PCDHGA2: variants seen among roughly 807,000 people sequenced by gnomAD.
The protein encoded by PCDHGA2 is protocadherin gamma subfamily A, 2.
A neutral mutation model predicts 59.2 loss-of-function variants in PCDHGA2; 40 were observed. The ratio of observed to expected loss-of-function variants is 0.68; its 90% CI spans 0.52 to 0.88. The LOEUF (loss-of-function observed/expected upper bound fraction) is 0.88. Ranked by LOEUF, PCDHGA2 falls within the 40% of genes least tolerant of loss-of-function variation. The pLI is 0.00. For missense variants in PCDHGA2, 1,226 were observed against 1,204.0 expected (o/e 1.02, Z -0.27); for synonymous variants, 560 against 526.0 (o/e 1.06, Z -0.89).
chr5:141,414,159 A>G (rs2095715416), intron 1 of PCDHGA2: 1 of 1,602,874 alleles, frequency 6.2e-7, no homozygotes. Context: ...CAGAAGATGG[A>G]GGAGCATATC....
In PCDHGA2 at chr5:141,478,818, C is replaced by T. The variant is rs980032138; in HGVS notation, c.2425-15989C>T. ...AGCACTCTTTTGCTATCACAACTAA[C>T]CAATCTTGCTAAGGGATGGTTAAGC... On this transcript the variant is annotated intron_variant, in intron 1 of 3. Transcript: ENST00000394576. The T allele has an allele frequency of 2.1e-5, 30 of 1,449,330 alleles. No individual in the cohort carries two copies. The African/African-American group carries it at 3.3e-4, about 16-fold the overall frequency. 89.8% of individuals were successfully genotyped at this position (1,449,330 alleles called of 1,614,324 possible). A position where few individuals can be genotyped will look rare whatever the true frequency, so the allele number is the denominator to read the frequency against.
chr5:141,488,292 G>A (rs961688781), intron 1 of PCDHGA2, among the ~76,000 whole-genome samples: 1 of 152,216 alleles, frequency 6.6e-6, no homozygotes, highest in African/African-American at 2.4e-5. Flanking sequence ...AAAACAGTAA[G>A]TGAAATCACT....
At chr5:141,409,792 C>T in intron 1 of PCDHGA2, 1 of 1,612,068 alleles carries the variant, frequency 6.2e-7, no homozygotes, top group African/African-American at 1.3e-5. Flanking sequence ...CCTTCGCGCT[C>T]ACGCTGCAGG....
intron 1 of PCDHGA2, chr5:141,426,568 C>T: frequency 5.6e-6 from 2 of 354,402 alleles, no homozygotes; most frequent in Non-Finnish European, 5.6e-6. Flanking sequence ...TCGAGAGTCA[C>T]TGTCTTCAAA....
At position 141,340,436 on chromosome 5, in the gene PCDHGA2, T is replaced by G; in HGVS notation, c.1465T>G (p.Tyr489Asp). The stretch of plus-strand genomic sequence containing the variant: ...CAGCAACGACAATGCTCATGTAACT[T>G]ACTCTTTCGCGGAGGACACTGTTCA... ...PDSNDNAHVT[Y>D]SFAEDTVQGA... Residue 489 changes from tyrosine (Y) to aspartate (D), a missense_variant, in exon 1 of 4, where the codon TAC (tyrosine) becomes GAC (aspartate). Physicochemically the swap from Tyr to Asp is radical, Grantham distance 160 (BLOSUM62 -3). Transcript: ENST00000394576. 1 of 1,614,210 alleles carries G rather than the reference T, an allele frequency of 6.2e-7. No homozygotes were observed. The highest frequency in any genetic ancestry group is 8.5e-7 in the Non-Finnish European group (1 of 1,180,038).
At chr5:141,423,620 C>A in intron 1 of PCDHGA2, 1 of 1,608,268 alleles carries the variant, frequency 6.2e-7, no homozygotes, top group Non-Finnish European at 8.5e-7. Flanking sequence ...GCTGAAGACT[C>A]AGCTATCATT....
At chr5:141,448,948 A>AAAAC (rs1237948751) in intron 1 of PCDHGA2, among the ~76,000 whole-genome samples, 2 of 152,170 alleles carry the variant, frequency 1.3e-5, no homozygotes, top group African/African-American at 2.4e-5. Flanking sequence ...GCAACTCAAA[A>AAAAC]AAACAAACAA....
intron 1 of PCDHGA2, among the ~76,000 whole-genome samples, chr5:141,469,096 G>A (rs1191827174): frequency 6.6e-6 from 1 of 151,944 alleles, no homozygotes; most frequent in Non-Finnish European, 1.5e-5. Flanking sequence ...AGGCAACAAA[G>A]CAAGAACCTG....
intron 1 of PCDHGA2, among the ~76,000 whole-genome samples, chr5:141,453,643 T>G (rs1267570786): frequency 2.6e-5 from 4 of 152,240 alleles, no homozygotes; most frequent in Non-Finnish European, 5.9e-5. Flanking sequence ...TATATTTTCT[T>G]ATGTCCTCTT....
At chr5:141,404,924 G>A in intron 1 of PCDHGA2, 1 of 1,613,908 alleles carries the variant, frequency 6.2e-7, no homozygotes, top group South Asian at 1.1e-5. Flanking sequence ...CTCGGCCACT[G>A]TCACGCTCAC....
intron 1 of PCDHGA2, chr5:141,418,010 G>A: frequency 6.2e-7 from 1 of 1,613,914 alleles, no homozygotes; most frequent in African/African-American, 1.3e-5. Flanking sequence ...GGGGAACCTC[G>A]CTAAGGATCT....
chr5:141,409,205 A>T, intron 1 of PCDHGA2: 1 of 1,614,068 alleles, frequency 6.2e-7, no homozygotes, highest in African/African-American at 1.3e-5. Context: ...TAAAGTAATC[A>T]TAGAAATCCT....
chr5:141,488,564 G>A (rs1047904416), intron 1 of PCDHGA2, among the ~76,000 whole-genome samples: 4 of 152,154 alleles, frequency 2.6e-5, no homozygotes, highest in Non-Finnish European at 5.9e-5. Context: ...TGAGATTTCC[G>A]CAAAGCATTG....
At position 141,372,451 on chromosome 5, in the gene PCDHGA2, C is replaced by G. The variant is rs749000608; in HGVS notation, c.2424+31056C>G. 8 of 1,614,042 alleles carry G rather than the reference C, an allele frequency of 5.0e-6. No individual in the cohort carries two copies. In the East Asian group the frequency reaches 1.6e-4, roughly 31 times the overall value. On this transcript the variant is annotated intron_variant, in intron 1 of 3. Coordinates refer to ENST00000394576, the MANE Select transcript of PCDHGA2 (RefSeq NM_018915.4). The stretch of plus-strand genomic sequence containing the variant: ...CGCCCCACTCCCTCTGACCCTCAGG[C>G]GGAGCTACAGTTTCACCTAGTAGTG...
chr5:141,378,051 T>C (rs539609296), intron 1 of PCDHGA2: 1 of 152,310 alleles, frequency 6.6e-6, no homozygotes, highest in East Asian at 1.9e-4. Flanking sequence ...TCCTTATCTA[T>C]CTGACTCAAA....
chr5:141,401,770 T>C (rs975272408), intron 1 of PCDHGA2, among the ~76,000 whole-genome samples: 2 of 152,202 alleles, frequency 1.3e-5, no homozygotes, highest in African/African-American at 4.8e-5. Context: ...TATAAGTCTT[T>C]TGCTTGGTTT....
Position 141,512,931 on chromosome 5 carries a change from C to T in PCDHGA2, c.*1758C>T, listed in dbSNP as rs2099884512. On this transcript the variant is annotated 3_prime_UTR_variant, in exon 4 of 4. Transcript: ENST00000394576. ...GTTTTATACTCTAATATTTATATGG[C>T]TTTTTTTCTTCGACAAAAAAATAAT... The T allele has an allele frequency of 6.6e-6, 1 of 152,006 alleles. No homozygotes were observed. The highest frequency in any genetic ancestry group is 2.4e-5 in the African/African-American group (1 of 41,414). The allele number at this position is 152,006 out of a possible 1,614,324, so 9.4% of individuals were successfully genotyped here.
At chr5:141,389,842 C>T (rs779733638) in intron 1 of PCDHGA2, 21 of 1,614,018 alleles carry the variant, frequency 1.3e-5, no homozygotes, top group Non-Finnish European at 1.7e-5. Context: ...CCACCACTCT[C>T]GGCCACTGCC....
intron 1 of PCDHGA2, among the ~76,000 whole-genome samples, chr5:141,430,329 T>G (rs1466381565): frequency 1.3e-5 from 2 of 151,776 alleles, no homozygotes; most frequent in Non-Finnish European, 2.9e-5. Flanking sequence ...AATCATTGTT[T>G]ATAGAAACTT....
Sources: allele counts gnomAD v4.1 joint callset (sites outside exome capture counted in the v4.1 genomes callset), GRCh38; gene constraint gnomAD v4.1.1; transcripts MANE v1.5; gene names NCBI Gene and HGNC (gene_info 2026-07-23, HGNC 2026-07-21).